CCAR1: variants seen among roughly 807,000 people sequenced by gnomAD.
The protein encoded by CCAR1 is cell division cycle and apoptosis regulator 1.
A neutral mutation model predicts 163.8 loss-of-function variants in CCAR1; 78 were observed. The ratio of observed to expected loss-of-function variants is 0.48; its 90% confidence interval spans 0.40 to 0.57. The LOEUF is 0.57. Among genes scored for constraint, CCAR1 ranks in the 20% least tolerant of loss-of-function variants. The pLI is 0.00. For missense variants in CCAR1, 1,019 were observed against 1,365.2 expected (o/e 0.75, Z 4.00); for synonymous variants, 443 against 460.7 (o/e 0.96, Z 0.49).
intron 2 of CCAR1, among the ~76,000 whole-genome samples, chr10:68,726,819 A>C (rs2055954393): frequency 6.6e-6 from 1 of 151,464 alleles, no homozygotes; most frequent in South Asian, 2.1e-4. Context: ...AACATGGTGA[A>C]ACCCCGTCTC....
intron 16 of CCAR1, among the ~76,000 whole-genome samples, chr10:68,764,487 A>G (rs2056513055): frequency 6.6e-6 from 1 of 151,860 alleles, no homozygotes. Flanking sequence ...GTGAGCTATG[A>G]TCACACCACT....
intron 4 of CCAR1, among the ~76,000 whole-genome samples, chr10:68,740,389 G>T (rs1423589102): frequency 6.6e-6 from 1 of 151,996 alleles, no homozygotes; most frequent in Non-Finnish European, 1.5e-5. Context: ...AAGATAACTG[G>T]GCTGGGTGCA....
intron 10 of CCAR1, among the ~76,000 whole-genome samples, chr10:68,753,497 C>A (rs1353728310): frequency 1.3e-5 from 2 of 152,140 alleles, no homozygotes; most frequent in Non-Finnish European, 2.9e-5. Flanking sequence ...TGTTTTGTAT[C>A]TATTCAACAT....
rs781481372 is a variant in CCAR1 at position 68,737,044 on chromosome 10, A to C, written c.242A>C (p.Gln81Pro). ...GCCGCAGCTGCAGCAGCTGCATTAC[A>C]ACAGGTAAATCTTTAATATGTCTTA... ...QQAAAAAAAL[Q>P]QQYSQPQQAL... Residue 81 changes from glutamine (Q) to proline (P), a missense_variant, in exon 3 of 25, where the codon CAA becomes CCA. Gln to Pro is a moderately conservative substitution (Grantham distance 76, BLOSUM62 -1). This residue lies in a region of CCAR1 where 644 missense variants were observed against 904.4 expected (regional missense o/e 0.71). Transcript: ENST00000265872. The C allele has an allele frequency of 6.2e-6, 10 of 1,610,402 alleles. No individual in the cohort carries two copies. The highest frequency in any genetic ancestry group is 7.6e-6 in the Non-Finnish European group (9 of 1,177,032).
Position 68,791,349 on chromosome 10 carries a change from A to G in CCAR1, c.*83A>G. The G allele has an allele frequency of 2.3e-6, 2 of 883,296 alleles. No individual in the cohort carries two copies. Among genetic ancestry groups the G allele is most frequent in the Non-Finnish European group, 3.5e-6 (2 of 574,320 alleles). 54.7% of individuals were successfully genotyped at this position (883,296 alleles called of 1,614,324 possible). A position where few individuals can be genotyped will look rare whatever the true frequency, so the allele number is the denominator to read the frequency against. Reference sequence around the variant, plus strand: ...ATATAAGAATGTTTGAAGGTGATGCATGTTTGATTTTAGTAGTATAAATGT... The same window carrying G: ...ATATAAGAATGTTTGAAGGTGATGCGTGTTTGATTTTAGTAGTATAAATGT... On this transcript the variant is annotated 3_prime_UTR_variant, in exon 25 of 25. Coordinates refer to ENST00000265872, the MANE Select transcript of CCAR1 (RefSeq NM_018237.4).
chr10:68,757,867 A>G (rs1047437579), intron 15 of CCAR1, among the ~76,000 whole-genome samples: 4 of 150,906 alleles, frequency 2.7e-5, no homozygotes, highest in Non-Finnish European at 4.4e-5. Flanking sequence ...AGTAACTTCA[A>G]GGGGATGGGA....
At chr10:68,724,450 G>C (rs540269028) in intron 2 of CCAR1, among the ~76,000 whole-genome samples, 16 of 152,204 alleles carry the variant, frequency 1.1e-4, no homozygotes, top group Non-Finnish European at 2.1e-4. Flanking sequence ...GGGTGATAAA[G>C]GGAGACTCTC....
At position 68,758,598 on chromosome 10, in the gene CCAR1, CAT is replaced by C. The variant is rs1393672733; in HGVS notation, c.1920+1229_1920+1230del. Among the ~76,000 whole-genome samples, 157 of 140,252 alleles carry C rather than the reference CAT, an allele frequency of 1.1e-3. 2 individuals carry two copies. The highest frequency in any genetic ancestry group is 3.7e-3 in the Middle Eastern group (1 of 270). 92.0% of individuals were successfully genotyped at this position (140,252 alleles called of 152,430 possible). A position where few individuals can be genotyped will look rare whatever the true frequency, so the allele number is the denominator to read the frequency against. ...ACACGTTTGTATATATGTACACACA[CAT>C]ATATATACGTGTGTGTATATATATA... On this transcript the variant is annotated intron_variant, in intron 15 of 24. Transcript: ENST00000265872.
In CCAR1 at chr10:68,756,987, A is replaced by G. The variant is rs7081960; in HGVS notation, c.1837-307A>G. On this transcript the variant is annotated intron_variant, in intron 14 of 24. Coordinates refer to ENST00000265872, the MANE Select transcript of CCAR1 (RefSeq NM_018237.4). The surrounding 1 kb of genome is among the most constrained non-coding windows in gnomAD (Gnocchi z 5.1). ...CAGTCTTTGGGTGGCTTGAAAATTG[A>G]GGCAAGATCACACACTGTGTGGTTT... Among the ~76,000 whole-genome samples, 28,149 of 152,152 alleles carry G rather than the reference A, an allele frequency of 0.19. 2,965 individuals are homozygous for G. Among genetic ancestry groups the G allele is most frequent in the African/African-American group, 0.3 (12,254 of 41,464 alleles).
At chr10:68,776,596 C>G (rs552629337) in intron 19 of CCAR1, among the ~76,000 whole-genome samples, 3 of 152,240 alleles carry the variant, frequency 2.0e-5, no homozygotes, top group Admixed American at 6.5e-5. Flanking sequence ...GTCTGTCACC[C>G]AGGCTGGAGT....
intron 19 of CCAR1, among the ~76,000 whole-genome samples, chr10:68,773,696 T>A (rs2056629632): frequency 6.6e-6 from 1 of 151,830 alleles, no homozygotes; most frequent in Non-Finnish European, 1.5e-5. Context: ...TAGTCCTTGA[T>A]GTTTCATATA....
chr10:68,745,352 G>T (rs2056239054), intron 6 of CCAR1, among the ~76,000 whole-genome samples: 1 of 151,804 alleles, frequency 6.6e-6, no homozygotes. Flanking sequence ...CCCAGGCTGG[G>T]GTCCAGAAGT....
intron 10 of CCAR1, among the ~76,000 whole-genome samples, chr10:68,752,145 C>T (rs1345095838): frequency 6.6e-6 from 1 of 151,926 alleles, no homozygotes. Context: ...GTCTCCATCT[C>T]CTGACCTCAT....
rs1487904496 is a variant in CCAR1, at chr10:68,789,820, T to G, written c.3298T>G (p.Ser1100Ala). ...LSQLQENLKISENMNLQFENQ... is the reference protein window; with the variant it reads ...LSQLQENLKIAENMNLQFENQ... ...TCAGTTACAAGAAAACTTAAAGATT[T>G]CGGAAAACATGAATTTACAATTTGA... Residue 1100 changes from serine (S) to alanine (A), a missense_variant, in exon 24 of 25, where the codon TCG becomes GCG. Physicochemically the swap from Ser to Ala is moderately conservative, Grantham distance 99. This residue lies in a region of CCAR1 where 358 missense variants were observed against 406.4 expected (regional missense o/e 0.88). Coordinates refer to ENST00000265872, the MANE Select transcript of CCAR1 (RefSeq NM_018237.4). The G allele has an allele frequency of 6.2e-7, 1 of 1,608,342 alleles. No homozygotes were observed. The highest frequency in any genetic ancestry group is 8.5e-7 in the Non-Finnish European group (1 of 1,177,476).
At chr10:68,766,174 T>A (rs2056532723) in intron 17 of CCAR1, 95 bp downstream of exon 17, 1 of 839,038 alleles carries the variant, frequency 1.2e-6, no homozygotes. Context: ...TCTTTGTTTT[T>A]CGCTTTTCGT....
At chr10:68,741,124 A>G (rs1188141263) in intron 5 of CCAR1, among the ~76,000 whole-genome samples, 1 of 151,804 alleles carries the variant, frequency 6.6e-6, no homozygotes, top group African/African-American at 2.4e-5. Flanking sequence ...ATGCTAGCCA[A>G]GCTGGTCTCG....
intron 1 of CCAR1, chr10:68,721,627 C>G (rs1427563294): frequency 6.8e-6 from 3 of 444,092 alleles, no homozygotes; most frequent in South Asian, 3.2e-5. Flanking sequence ...GTGGCGGCTC[C>G]CGGCGGCGTG....
intron 2 of CCAR1, 111 bp from the exon 3 acceptor site, chr10:68,736,765 A>G (rs2056116107): frequency 1.3e-6 from 1 of 792,084 alleles, no homozygotes; most frequent in African/African-American, 1.7e-5. Context: ...TATTGTGAAT[A>G]GTGCTGGAGT....
At chr10:68,738,543 A>G (rs2056142512) in intron 4 of CCAR1, among the ~76,000 whole-genome samples, 1 of 152,198 alleles carries the variant, frequency 6.6e-6, no homozygotes, top group South Asian at 2.1e-4. Flanking sequence ...ACATGTGAAA[A>G]TGAAAGCTCC....
Sources: allele counts gnomAD v4.1 joint callset (sites outside exome capture counted in the v4.1 genomes callset), GRCh38; gene constraint gnomAD v4.1.1; regional missense constraint gnomAD v4.1.1; non-coding constraint Gnocchi (gnomAD v3.1); transcripts MANE v1.5; gene names NCBI Gene and HGNC (gene_info 2026-07-23, HGNC 2026-07-21).